Variants in BRD10 observed in about 807,000 individuals in gnomAD.
BRD10 encodes bromodomain containing 10.
chr9:5,984,793 C>G, the BRD10 span, among the ~76,000 whole-genome samples: 5 of 151,768 alleles, frequency 3.3e-5, no homozygotes, highest in Admixed American at 3.3e-4. Context: ...AATGTGCACA[C>G]TGAAAACTAC....
the BRD10 span, among the ~76,000 whole-genome samples, chr9:5,989,819 C>T: frequency 6.6e-6 from 1 of 152,040 alleles, no homozygotes; most frequent in East Asian, 1.9e-4. Context: ...ATGAGCCACC[C>T]CACCCAGCCA....
chr9:5,931,909 G>A, the BRD10 span, among the ~76,000 whole-genome samples: 1 of 152,104 alleles, frequency 6.6e-6, no homozygotes, highest in African/African-American at 2.4e-5. Flanking sequence ...TGCTATTTGA[G>A]GTAAGGTGCT....
chr9:5,889,763 C>T, the BRD10 span, among the ~76,000 whole-genome samples: 7 of 151,174 alleles, frequency 4.6e-5, no homozygotes, highest in Non-Finnish European at 1.0e-4. Flanking sequence ...CCAGCCTGGG[C>T]GACAGAGTGA....
At chr9:5,907,199 G>A in the BRD10 span, 2 of 345,236 alleles carry the variant, frequency 5.8e-6, no homozygotes, top group African/African-American at 4.2e-5. Flanking sequence ...AAAAACAAGG[G>A]AAGTACAGAT....
the BRD10 span, among the ~76,000 whole-genome samples, chr9:6,003,777 CATAA>C: frequency 2.0e-5 from 3 of 151,916 alleles, no homozygotes; most frequent in South Asian, 2.1e-4. Context: ...ATATAAAAAT[CATAA>C]ATATTTATAA....
the BRD10 span, among the ~76,000 whole-genome samples, chr9:5,930,656 T>C: frequency 7.2e-5 from 11 of 152,048 alleles, no homozygotes; most frequent in Non-Finnish European, 1.0e-4. Flanking sequence ...CTTAATGGTA[T>C]GATGAATCAA....
the BRD10 span, chr9:5,967,937 A>G: frequency 4.7e-6 from 4 of 855,678 alleles, no homozygotes; most frequent in Admixed American, 2.9e-5. Context: ...TACTCTCTCA[A>G]TCAAAGCATC....
the BRD10 span, chr9:5,924,704 G>A: frequency 6.3e-7 from 1 of 1,594,226 alleles, no homozygotes; most frequent in East Asian, 2.2e-5. Flanking sequence ...GTTCTGTTGA[G>A]TCTATAGACT....
At chr9:5,988,123 C>T in the BRD10 span, among the ~76,000 whole-genome samples, 1 of 152,102 alleles carries the variant, frequency 6.6e-6, no homozygotes, top group Non-Finnish European at 1.5e-5. Flanking sequence ...ATCTAGAAAG[C>T]ACTCTGAAAT....
the BRD10 span, chr9:6,007,747 C>A: frequency 6.3e-7 from 1 of 1,590,704 alleles, no homozygotes; most frequent in Non-Finnish European, 8.5e-7. Context: ...CTCTTCCTCC[C>A]CAGCCGGCTC....
At chr9:5,965,623 T>C in the BRD10 span, among the ~76,000 whole-genome samples, 4 of 152,234 alleles carry the variant, frequency 2.6e-5, no homozygotes, top group African/African-American at 4.8e-5. Context: ...TTAAACATTA[T>C]ATACACCATA....
the BRD10 span, among the ~76,000 whole-genome samples, chr9:5,886,945 G>C: frequency 6.6e-6 from 1 of 152,164 alleles, no homozygotes. Flanking sequence ...AGCTGGTCAG[G>C]TCTCCCTCGT....
the BRD10 span, chr9:5,921,970 T>C: frequency 6.2e-7 from 1 of 1,613,960 alleles, no homozygotes; most frequent in Non-Finnish European, 8.5e-7. Context: ...AAAGACTAGA[T>C]GTAGTAGTTG....
At chr9:5,907,318 T>C in the BRD10 span, 1 of 171,142 alleles carries the variant, frequency 5.8e-6, no homozygotes, top group African/African-American at 2.4e-5. Flanking sequence ...TATTCTTTTA[T>C]GTTTTTAGTT....
the BRD10 span, chr9:5,897,680 C>A: frequency 6.4e-7 from 1 of 1,574,400 alleles, no homozygotes; most frequent in Non-Finnish European, 8.7e-7. Context: ...CTGCTGAAAT[C>A]CCTCCAAGTC....
chr9:5,942,609 A>G, the BRD10 span, among the ~76,000 whole-genome samples: 1 of 152,194 alleles, frequency 6.6e-6, no homozygotes, highest in Non-Finnish European at 1.5e-5. Context: ...GTTCATGTAA[A>G]CAATCTTTTA....
chr9:5,979,314 G>A, the BRD10 span, among the ~76,000 whole-genome samples: 1 of 152,160 alleles, frequency 6.6e-6, no homozygotes. Flanking sequence ...AGGAGTTCGA[G>A]ACCAGCCTGG....
chr9:5,938,390 T>C, the BRD10 span, among the ~76,000 whole-genome samples: 1 of 152,128 alleles, frequency 6.6e-6, no homozygotes, highest in African/African-American at 2.4e-5. Flanking sequence ...TGCAGTGAGC[T>C]AGCTATGATC....
chr9:5,955,274 A>G, the BRD10 span, among the ~76,000 whole-genome samples: 1 of 151,518 alleles, frequency 6.6e-6, no homozygotes, highest in Non-Finnish European at 1.5e-5. Context: ...GAAAAATCCT[A>G]TCCTCTAGGA....
Sources: allele counts gnomAD v4.1 joint callset (sites outside exome capture counted in the v4.1 genomes callset), GRCh38; gene constraint gnomAD v4.1.1; transcripts MANE v1.5; gene names NCBI Gene and HGNC (gene_info 2026-07-23, HGNC 2026-07-21).